The following PRKCE variants were observed in gnomAD, a reference collection of about 807,000 sequenced individuals.
PRKCE encodes protein kinase C epsilon.
In PRKCE, 16 loss-of-function variants were observed where a neutral mutation model predicts 85.4. That is an observed-to-expected ratio of 0.19 (90% CI 0.13 to 0.28). The LOEUF is 0.28. Among genes scored for constraint, PRKCE ranks in the 10% least tolerant of loss-of-function variants. PRKCE has a pLI of 1.00. For synonymous variants in PRKCE, 388 were observed against 371.5 expected, an observed-to-expected ratio of 1.04 and a Z score of -0.51; for missense variants, 573 against 975.2, an observed-to-expected ratio of 0.59 and a Z score of 5.49.
At chr2:46,096,711 G>A (rs777884741) in intron 11 of PRKCE, among the ~76,000 whole-genome samples, 50 of 152,198 alleles carry the variant, frequency 3.3e-4, no homozygotes, top group East Asian at 3.9e-4. Context: ...CTGTTAAGTC[G>A]CTCAATCTGT....
intron 14 of PRKCE, among the ~76,000 whole-genome samples, chr2:46,179,408 G>A (rs917812635): frequency 6.6e-6 from 1 of 152,048 alleles, no homozygotes; most frequent in Admixed American, 6.5e-5. Context: ...AGCTGCCTGA[G>A]CTCTGAGGCA....
At chr2:46,100,643 A>G (rs1214138012) in intron 11 of PRKCE, among the ~76,000 whole-genome samples, 1 of 152,202 alleles carries the variant, frequency 6.6e-6, no homozygotes. Flanking sequence ...GTTTCTTTCT[A>G]GATTTGTACT....
chr2:45,766,486 A>G (rs1303092775), intron 1 of PRKCE, among the ~76,000 whole-genome samples: 2 of 152,104 alleles, frequency 1.3e-5, no homozygotes, highest in Non-Finnish European at 2.9e-5. Context: ...GATCGGAGAG[A>G]TTCCTAGAGA....
At chr2:46,086,640 T>C (rs1024604382) in intron 11 of PRKCE, among the ~76,000 whole-genome samples, 4 of 152,216 alleles carry the variant, frequency 2.6e-5, no homozygotes, top group Non-Finnish European at 5.9e-5. Flanking sequence ...GTGACCTTGG[T>C]GTGACCTTCG....
chr2:46,116,016 G>T (rs1417392661), intron 11 of PRKCE, among the ~76,000 whole-genome samples: 1 of 152,214 alleles, frequency 6.6e-6, no homozygotes, highest in African/African-American at 2.4e-5. Context: ...TTGGGGTGAG[G>T]TTTCTCCATA....
At chr2:45,946,913 A>G (rs906395878) in intron 2 of PRKCE, among the ~76,000 whole-genome samples, 2 of 152,232 alleles carry the variant, frequency 1.3e-5, no homozygotes, top group Admixed American at 6.5e-5. Flanking sequence ...TGCCACAGCC[A>G]GGAGCTCCAA....
intron 10 of PRKCE, among the ~76,000 whole-genome samples, chr2:46,011,380 C>G (rs1159177288): frequency 6.6e-6 from 1 of 152,140 alleles, no homozygotes; most frequent in Non-Finnish European, 1.5e-5. Flanking sequence ...GCCAGTTTTT[C>G]CACTTAAAAT....
intron 2 of PRKCE, among the ~76,000 whole-genome samples, chr2:45,862,183 TACACACACACACACACAC>T (rs6146747): frequency 2.3e-4 from 33 of 144,012 alleles, no homozygotes; most frequent in South Asian, 4.5e-4. Flanking sequence ...TCTTCTTGTA[TACACACACACACACACAC>T]ACACACACAC....
At chr2:45,949,313 A>T (rs1700452655) in intron 2 of PRKCE, among the ~76,000 whole-genome samples, 1 of 150,884 alleles carries the variant, frequency 6.6e-6, no homozygotes, top group South Asian at 2.1e-4. Context: ...ACGATGTGGC[A>T]TCCCACTGTT....
At chr2:45,696,848 G>T (rs1678194484) in intron 1 of PRKCE, among the ~76,000 whole-genome samples, 1 of 152,156 alleles carries the variant, frequency 6.6e-6, no homozygotes, top group South Asian at 2.1e-4. Context: ...CAGAGGCTTT[G>T]AAGCCCTGGT....
intron 1 of PRKCE, among the ~76,000 whole-genome samples, chr2:45,681,500 G>A (rs932680867): frequency 6.6e-5 from 10 of 151,976 alleles, no homozygotes; most frequent in African/African-American, 2.4e-4. Context: ...ACCCAGGTAG[G>A]CGTTTATGAT....
chr2:45,921,182 A>AGG (rs1302613014), intron 2 of PRKCE, among the ~76,000 whole-genome samples: 2 of 152,362 alleles, frequency 1.3e-5, no homozygotes, highest in African/African-American at 4.8e-5. Context: ...TAAAGGTATC[A>AGG]GGGAGGTAGT....
chr2:46,102,698 G>A (rs967082725), intron 11 of PRKCE, among the ~76,000 whole-genome samples: 1 of 152,128 alleles, frequency 6.6e-6, no homozygotes, highest in Non-Finnish European at 1.5e-5. Flanking sequence ...TTGAGGAATA[G>A]TGGTCAGTTA....
chr2:45,696,557 C>G (rs1678166446), intron 1 of PRKCE, among the ~76,000 whole-genome samples: 2 of 152,108 alleles, frequency 1.3e-5, no homozygotes, highest in African/African-American at 2.4e-5. Context: ...CCCCACAGGG[C>G]TGTGTGGTGG....
intron 2 of PRKCE, among the ~76,000 whole-genome samples, chr2:45,962,900 C>T (rs946180093): frequency 3.3e-5 from 5 of 151,994 alleles, no homozygotes; most frequent in African/African-American, 1.2e-4. Flanking sequence ...CTTCTCATCC[C>T]TCTCTCCATG....
At chr2:45,975,937 C>T (rs534838674) in intron 2 of PRKCE, among the ~76,000 whole-genome samples, 14 of 152,326 alleles carry the variant, frequency 9.2e-5, no homozygotes, top group African/African-American at 3.4e-4. Context: ...AGCCAGGAAG[C>T]TTAGGGTGTG....
chr2:46,141,279 A>T (rs976653118), intron 11 of PRKCE, among the ~76,000 whole-genome samples: 2 of 152,268 alleles, frequency 1.3e-5, no homozygotes, highest in Admixed American at 1.3e-4. Flanking sequence ...TATAGCCACA[A>T]TAAAGAATCA....
intron 14 of PRKCE, among the ~76,000 whole-genome samples, chr2:46,168,768 GAC>G (rs2104639486): frequency 6.6e-6 from 1 of 152,342 alleles, no homozygotes; most frequent in East Asian, 1.9e-4. Context: ...AAGGTTTGAG[GAC>G]AGAGAGAAGA....
intron 1 of PRKCE, among the ~76,000 whole-genome samples, chr2:45,707,717 C>T (rs1357076905): frequency 2.6e-5 from 4 of 152,226 alleles, no homozygotes; most frequent in African/African-American, 7.2e-5. Flanking sequence ...GTCTGTGGGA[C>T]ACACAGTTCG....
Sources: allele counts gnomAD v4.1 joint callset (sites outside exome capture counted in the v4.1 genomes callset), GRCh38; gene constraint gnomAD v4.1.1; transcripts MANE v1.5; gene names NCBI Gene and HGNC (gene_info 2026-07-23, HGNC 2026-07-21).